Variants in GMDS observed in about 807,000 individuals in gnomAD.
GMDS encodes the protein GDP-mannose 4,6 dehydratase.
GMDS carries 20 observed loss-of-function variants against 49.9 expected under a neutral mutation model. The ratio of observed to expected loss-of-function variants is 0.40; its 90% CI spans 0.28 to 0.58. The LOEUF is 0.58. Among genes scored for constraint, GMDS ranks in the 20% least tolerant of loss-of-function variants. GMDS has a pLI of 0.42. For synonymous variants in GMDS, 177 were observed against 178.6 expected, an observed-to-expected ratio of 0.99 and a Z score of 0.07; for missense variants, 362 against 481.4, an observed-to-expected ratio of 0.75 and a Z score of 2.32.
intron 4 of GMDS, among the ~76,000 whole-genome samples, chr6:2,099,401 T>C (rs1425526663): frequency 5.9e-5 from 9 of 152,104 alleles, no homozygotes; most frequent in African/African-American, 1.9e-4. Context: ...GGTGAGCAAT[T>C]TTGGGGCACA....
chr6:2,229,635 A>G (rs72830185), intron 1 of GMDS, among the ~76,000 whole-genome samples: 236 of 152,242 alleles, frequency 1.6e-3, no homozygotes, highest in South Asian at 2.9e-3. Flanking sequence ...AATCAAACTC[A>G]TGTTCATCTT....
chr6:2,043,242 C>T (rs953077995), intron 4 of GMDS: 1 of 152,272 alleles, frequency 6.6e-6, no homozygotes. Flanking sequence ...GGTTACATCA[C>T]TGTTGAAAAA....
Position 1,868,395 on chromosome 6 carries a change from A to G in GMDS, c.771+61708T>C, listed in dbSNP as rs116741371. Among the ~76,000 whole-genome samples, 723 of 152,298 alleles carry G rather than the reference A, an allele frequency of 4.7e-3. 5 individuals are homozygous for G. Among genetic ancestry groups the G allele is most frequent in the African/African-American group, 0.016 (668 of 41,558 alleles). ...ATTTTCCTACATGGATGAAGTAAAT[A>G]TGGAGTAAATACATACATGGATGAA... On this transcript the variant is annotated intron_variant, in intron 7 of 10. Coordinates refer to ENST00000380815, the MANE Select transcript of GMDS (RefSeq NM_001500.4).
At chr6:1,655,029 C>A (rs1763827515) in intron 9 of GMDS, among the ~76,000 whole-genome samples, 2 of 148,678 alleles carry the variant, frequency 1.3e-5, no homozygotes, top group South Asian at 4.3e-4. Flanking sequence ...CCACTGCACT[C>A]CAGCCTGGTG....
At chr6:1,909,033 G>A (rs1427421264) in intron 7 of GMDS, among the ~76,000 whole-genome samples, 1 of 151,788 alleles carries the variant, frequency 6.6e-6, no homozygotes, top group African/African-American at 2.4e-5. Flanking sequence ...AGAATGACAG[G>A]GTATCCACCA....
chr6:2,231,024 G>T (rs1275534073), intron 1 of GMDS, among the ~76,000 whole-genome samples: 1 of 137,632 alleles, frequency 7.3e-6, no homozygotes, highest in Admixed American at 8.4e-5. Flanking sequence ...ACATTATAAG[G>T]ACAGGGGGAC....
chr6:2,067,612 T>C (rs1243027891), intron 4 of GMDS, among the ~76,000 whole-genome samples: 1 of 151,946 alleles, frequency 6.6e-6, no homozygotes, highest in African/African-American at 2.4e-5. Context: ...AAATACAAAC[T>C]ACCATCAGAG....
chr6:1,654,930 G>A (rs1335020158), intron 9 of GMDS, among the ~76,000 whole-genome samples: 8 of 151,758 alleles, frequency 5.3e-5, no homozygotes, highest in Non-Finnish European at 5.9e-5. Context: ...GCGTGGTGGT[G>A]CGCACTTGTA....
chr6:1,747,490 G>GCA (rs1178016445), intron 7 of GMDS, among the ~76,000 whole-genome samples: 5 of 118,818 alleles, frequency 4.2e-5, no homozygotes, highest in Non-Finnish European at 7.5e-5. Context: ...GCGTGTGCGC[G>GCA]CACACACACA....
chr6:2,007,984 T>G (rs1165536993), intron 4 of GMDS, among the ~76,000 whole-genome samples: 1 of 152,224 alleles, frequency 6.6e-6, no homozygotes, highest in African/African-American at 2.4e-5. Flanking sequence ...TAAGTGCTTA[T>G]CACCATGTAT....
chr6:2,096,854 G>C (rs1377657529), intron 4 of GMDS, among the ~76,000 whole-genome samples: 3 of 152,072 alleles, frequency 2.0e-5, no homozygotes, highest in Non-Finnish European at 4.4e-5. Flanking sequence ...TATTTTAGTT[G>C]TGTGTACGTA....
At chr6:1,636,737 A>G (rs1019294043) in intron 9 of GMDS, among the ~76,000 whole-genome samples, 5 of 152,220 alleles carry the variant, frequency 3.3e-5, no homozygotes, top group African/African-American at 9.6e-5. Context: ...CGCTACGGTT[A>G]TGTCCTTGCA....
intron 1 of GMDS, among the ~76,000 whole-genome samples, chr6:2,242,792 A>T (rs140950103): frequency 9.2e-5 from 14 of 152,316 alleles, no homozygotes; most frequent in African/African-American, 3.4e-4. Context: ...GATACTTATT[A>T]TACCTGTCTC....
intron 4 of GMDS, among the ~76,000 whole-genome samples, chr6:1,999,840 C>A (rs1766545991): frequency 7.4e-6 from 1 of 134,588 alleles, no homozygotes; most frequent in Non-Finnish European, 1.5e-5. Flanking sequence ...TGCCATAGTT[C>A]ACACAGCTGT....
intron 1 of GMDS, among the ~76,000 whole-genome samples, chr6:2,227,677 C>T (rs781478547): frequency 1.3e-5 from 2 of 152,112 alleles, no homozygotes; most frequent in Non-Finnish European, 2.9e-5. Flanking sequence ...TAGGAAGGAG[C>T]GGGCAGGCCA....
rs1324299757 is a variant in GMDS, at chr6:2,140,733, A to G, written c.103-16002T>C. Among the ~76,000 whole-genome samples the G allele has an allele frequency of 2.6e-5, 4 of 152,242 alleles. No individual in the cohort carries two copies. In the East Asian group the frequency reaches 7.7e-4, roughly 29 times the overall value. Reference sequence around the variant, plus strand: ...AGGCAATTTAATCAAGTAAGTCTGAACTTTATTCAAACAATGCAAAAACGA... The same window carrying G: ...AGGCAATTTAATCAAGTAAGTCTGAGCTTTATTCAAACAATGCAAAAACGA... On this transcript the variant is annotated intron_variant, in intron 1 of 10. Transcript: ENST00000380815.
At chr6:1,940,702 C>A (rs1762782042) in intron 6 of GMDS, among the ~76,000 whole-genome samples, 1 of 152,218 alleles carries the variant, frequency 6.6e-6, no homozygotes, top group African/African-American at 2.4e-5. Context: ...TAGCTACCAC[C>A]TTTTGGCAAC....
intron 9 of GMDS, among the ~76,000 whole-genome samples, chr6:1,658,961 C>T (rs1386260722): frequency 6.6e-6 from 1 of 152,184 alleles, no homozygotes; most frequent in Non-Finnish European, 1.5e-5. Flanking sequence ...GTAGAAGTCA[C>T]GTGAGGCAGG....
intron 4 of GMDS, among the ~76,000 whole-genome samples, chr6:2,065,445 G>A (rs1164724110): frequency 1.3e-5 from 2 of 152,236 alleles, no homozygotes; most frequent in South Asian, 2.1e-4. Flanking sequence ...CGAGCTGAGA[G>A]AAGGCTTCAG....
Sources: allele counts gnomAD v4.1 joint callset (sites outside exome capture counted in the v4.1 genomes callset), GRCh38; gene constraint gnomAD v4.1.1; transcripts MANE v1.5; gene names NCBI Gene and HGNC (gene_info 2026-07-23, HGNC 2026-07-21).